EEA1: variants seen among roughly 807,000 people sequenced by gnomAD.
The protein encoded by EEA1 is early endosome antigen 1, 162kD.
A neutral mutation model predicts 209.2 loss-of-function variants in EEA1; 111 were observed. The ratio of observed to expected loss-of-function variants is 0.53; its 90% CI spans 0.45 to 0.62. The LOEUF is 0.62. Ranked by LOEUF, EEA1 falls within the 20% of genes least tolerant of loss-of-function variation. The pLI is 0.00. For synonymous variants in EEA1, 536 were observed against 540.6 expected (o/e 0.99, Z 0.12); for missense variants, 1,343 against 1,530.8 (o/e 0.88, Z 2.05).
At chr12:92,899,075 A>G (rs111758849) in intron 1 of EEA1, among the ~76,000 whole-genome samples, 288 of 152,044 alleles carry the variant, frequency 1.9e-3, no homozygotes, top group African/African-American at 6.6e-3. Flanking sequence ...AAAGTGGCAG[A>G]ATTTCAATAA....
chr12:92,858,319 A>G, intron 3 of EEA1: 1 of 764,830 alleles, frequency 1.3e-6, no homozygotes. Flanking sequence ...GTTGACTAAC[A>G]GAAAATGCTT....
chr12:92,816,168 G>A (rs762050773), intron 15 of EEA1, 32 bp downstream of exon 15: 88 of 1,573,442 alleles, frequency 5.6e-5, no homozygotes, highest in Non-Finnish European at 6.5e-5. Flanking sequence ...TCTAAAACTG[G>A]TGCTTTACAC....
intron 1 of EEA1, among the ~76,000 whole-genome samples, chr12:92,894,521 A>C (rs914981256): frequency 6.6e-6 from 1 of 152,254 alleles, no homozygotes; most frequent in African/African-American, 2.4e-5. Flanking sequence ...GTGAACACAC[A>C]AATGATAAGA....
In EEA1 at chr12:92,854,059, A is replaced by G. The variant is rs920719799; in HGVS notation, c.367-105T>C. On this transcript the variant is annotated intron_variant, in intron 5 of 28. Transcript: ENST00000322349. ...TCTGAAAGTCACTTTCTTTCAGGTA[A>G]GTAGTAAGATTTTGGTGAAAATTTA... The G allele has an allele frequency of 3.0e-5, 26 of 877,060 alleles. No individual in the cohort carries two copies. The African/African-American group carries it at 4.1e-4, about 14-fold the overall frequency. The allele number at this position is 877,060 out of a possible 1,614,324, so 54.3% of individuals were successfully genotyped here.
At chr12:92,901,811 C>T (rs543503621) in intron 1 of EEA1, among the ~76,000 whole-genome samples, 212 of 152,142 alleles carry the variant, frequency 1.4e-3, no homozygotes, top group African/African-American at 4.8e-3. Context: ...TCAGATGATC[C>T]GCCCACCTCA....
At position 92,802,306 on chromosome 12, in the gene EEA1, T is replaced by C. The variant is rs539340855; in HGVS notation, c.2670+98A>G. On this transcript the variant is annotated intron_variant, in intron 19 of 28. Transcript: ENST00000322349. ...TAAGAACTACTTTAAACTATTTAAA[T>C]GTGGAAAGAAAAGCAAACTGTGAAT... is the stretch of plus-strand genomic sequence containing the variant. 1.4e-5 allele frequency: 15 copies of C among 1,111,016 alleles called. No individual in the cohort carries two copies. The African/African-American group carries it at 2.3e-4, about 17-fold the overall frequency. The allele number at this position is 1,111,016 out of a possible 1,614,324, so 68.8% of individuals were successfully genotyped here.
Position 92,853,038 on chromosome 12 carries a change from G to A in EEA1, c.407-13C>T. On this transcript the variant is annotated splice_polypyrimidine_tract_variant and intron_variant, in intron 6 of 28. Transcript: ENST00000322349. Reference sequence around the variant, plus strand: ...AAAGACTGTAGTTCTACAAAAAAGTGTCGCAGTTATTCAAATACCATGTTA... The same window carrying A: ...AAAGACTGTAGTTCTACAAAAAAGTATCGCAGTTATTCAAATACCATGTTA... 6.6e-7 allele frequency: 1 copy of A among 1,526,492 alleles called. No homozygotes were observed. Among genetic ancestry groups the A allele is most frequent in the Non-Finnish European group, 9.0e-7 (1 of 1,112,536 alleles). The allele number at this position is 1,526,492 out of a possible 1,614,324, so 94.6% of individuals were successfully genotyped here. A position where few individuals can be genotyped will look rare whatever the true frequency, so the allele number is the denominator to read the frequency against.
chr12:92,874,999 T>C (rs73209510), intron 2 of EEA1, among the ~76,000 whole-genome samples: 39,507 of 152,038 alleles, frequency 0.26, 5,619 homozygotes, highest in Non-Finnish European at 0.32. Flanking sequence ...AAAAAGTAAA[T>C]AAATTTTTTT....
chr12:92,858,273 A>T, intron 3 of EEA1: 1 of 733,938 alleles, frequency 1.4e-6, no homozygotes, highest in Admixed American at 1.8e-5. Flanking sequence ...AACTGGAATG[A>T]TCCTTCTTGC....
chr12:92,916,357 CAAACTT>C (rs1880759510), intron 1 of EEA1, among the ~76,000 whole-genome samples: 1 of 151,772 alleles, frequency 6.6e-6, no homozygotes. Context: ...GACTGTGAAA[CAAACTT>C]AAAAATCTGG....
intron 2 of EEA1, among the ~76,000 whole-genome samples, chr12:92,866,153 C>A (rs1265668688): frequency 9.0e-5 from 12 of 133,424 alleles, no homozygotes; most frequent in African/African-American, 3.4e-4. Context: ...GATCATGTCA[C>A]TGTACTCCAG....
In EEA1 at chr12:92,774,926, A is replaced by G. The variant is rs1387300668; in HGVS notation, c.*1085T>C. On this transcript the variant is annotated 3_prime_UTR_variant, in exon 29 of 29. Transcript: ENST00000322349. ...ATTTAATGTCTTCTTATCATTTTAT[A>G]TTTTGTTTTCACCAATAAGACCACA... 6.6e-6 allele frequency: 1 copy of G among 151,774 alleles called. No individual in the cohort carries two copies. Among genetic ancestry groups the G allele is most frequent in the Non-Finnish European group, 1.5e-5 (1 of 67,706 alleles). The allele number at this position is 151,774 out of a possible 1,614,324, so 9.4% of individuals were successfully genotyped here.
chr12:92,782,614 C>T (rs1192037663), intron 22 of EEA1, among the ~76,000 whole-genome samples: 1 of 152,160 alleles, frequency 6.6e-6, no homozygotes, highest in Non-Finnish European at 1.5e-5. Flanking sequence ...CCTTGACATG[C>T]TAAAAATATT....
At chr12:92,889,698 A>T (rs1879581546) in intron 2 of EEA1, among the ~76,000 whole-genome samples, 1 of 152,226 alleles carries the variant, frequency 6.6e-6, no homozygotes, top group African/African-American at 2.4e-5. Context: ...CAGGTGTTTG[A>T]GACCAGGCTG....
chr12:92,811,266 CT>C lies in EEA1; in HGVS notation c.2199+12del. ...TAGAAAATATGACTAAATTCAACTT[CT>C]TTTATACAAACCTTAATTTGACCTT... On this transcript the variant is annotated intron_variant, in intron 17 of 28. Coordinates refer to ENST00000322349, the MANE Select transcript of EEA1 (RefSeq NM_003566.4). 6.7e-7 allele frequency: 1 copy of C among 1,491,020 alleles called. No homozygotes were observed. Among genetic ancestry groups the C allele is most frequent in the Non-Finnish European group, 8.9e-7 (1 of 1,119,194 alleles). 92.4% of individuals were successfully genotyped at this position (1,491,020 alleles called of 1,614,324 possible).
intron 18 of EEA1, among the ~76,000 whole-genome samples, chr12:92,804,908 G>C (rs1415239233): frequency 4.6e-5 from 7 of 152,164 alleles, no homozygotes; most frequent in Non-Finnish European, 7.4e-5. Flanking sequence ...TAGTACTCCA[G>C]AAATGTGAGA....
intron 3 of EEA1, among the ~76,000 whole-genome samples, chr12:92,857,833 A>G (rs550389663): frequency 3.3e-5 from 5 of 152,318 alleles, no homozygotes; most frequent in East Asian, 1.9e-4. Context: ...ACTCATTAAC[A>G]TGGACTACAA....
At position 92,832,826 on chromosome 12, in the gene EEA1, T is replaced by C. The variant is rs1876722872; in HGVS notation, c.940A>G (p.Lys314Glu). ...TCTAACTTAGTATAGTCTTGTTCTT[T>C]TTTCAGCAAGTTTTCTGTCAAGGTC... is the stretch of plus-strand genomic sequence containing the variant. The part of the protein sequence containing the change: ...NQTLTENLLK[K>E]EQDYTKLEEK... The change falls in exon 11 of 29, where the codon AAA becomes GAA. Residue 314 changes from lysine to glutamate, a missense_variant. Physicochemically the swap from Lys to Glu is moderately conservative, Grantham distance 56. Coordinates refer to ENST00000322349, the MANE Select transcript of EEA1 (RefSeq NM_003566.4). 1 of 1,602,536 alleles carries C rather than the reference T, an allele frequency of 6.2e-7. No homozygotes were observed. The highest frequency in any genetic ancestry group is 8.5e-7 in the Non-Finnish European group (1 of 1,176,392).
intron 2 of EEA1, among the ~76,000 whole-genome samples, chr12:92,882,697 T>C (rs1879201329): frequency 6.6e-6 from 1 of 152,204 alleles, no homozygotes. Flanking sequence ...CTGTGTTAAT[T>C]TGCTTGGGAT....
Sources: allele counts gnomAD v4.1 joint callset (sites outside exome capture counted in the v4.1 genomes callset), GRCh38; gene constraint gnomAD v4.1.1; transcripts MANE v1.5; gene names NCBI Gene and HGNC (gene_info 2026-07-23, HGNC 2026-07-21).